The following WWOX variants were observed in gnomAD, a reference collection of about 807,000 sequenced individuals.
WWOX encodes WW domain-containing oxidoreductase.
WWOX carries 69 observed loss-of-function variants against 46.2 expected under a neutral mutation model. That is an observed-to-expected ratio of 1.49 (90% CI 1.23 to 1.82). The LOEUF (loss-of-function observed/expected upper bound fraction) is 1.82, where lower values mean the gene tolerates loss of function less well. Ranked by LOEUF, WWOX falls within the 40% of genes most tolerant of loss-of-function variation. WWOX has a pLI of 0.00. For synonymous variants in WWOX, 359 were observed against 202.6 expected, an observed-to-expected ratio of 1.77 and a Z score of -6.56; for missense variants, 919 against 542.6, an observed-to-expected ratio of 1.69 and a Z score of -6.89.
At chr16:78,454,217 C>CT (rs1235093099) in intron 8 of WWOX, among the ~76,000 whole-genome samples, 1 of 152,158 alleles carries the variant, frequency 6.6e-6, no homozygotes, top group Admixed American at 6.5e-5. Flanking sequence ...GCCTTGATTT[C>CT]TGTAGGCTGT....
chr16:79,122,461 T>G (rs2049656564), intron 8 of WWOX, among the ~76,000 whole-genome samples: 1 of 151,992 alleles, frequency 6.6e-6, no homozygotes, highest in Non-Finnish European at 1.5e-5. Context: ...TTTTTCTTCT[T>G]TTTCTGTTTC....
intron 6 of WWOX, among the ~76,000 whole-genome samples, chr16:78,409,510 A>C (rs112601834): frequency 6.6e-6 from 1 of 152,184 alleles, no homozygotes; most frequent in African/African-American, 2.4e-5. Context: ...AGCATAATGC[A>C]TGCAGTATTT....
chr16:78,319,374 C>T (rs1159107918), intron 5 of WWOX, among the ~76,000 whole-genome samples: 1 of 152,068 alleles, frequency 6.6e-6, no homozygotes, highest in East Asian at 1.9e-4. Context: ...GATCCTCCCA[C>T]CTCAACCTCC....
intron 8 of WWOX, among the ~76,000 whole-genome samples, chr16:79,124,635 T>C (rs73580906): frequency 0.032 from 4,822 of 152,308 alleles, 242 homozygotes; most frequent in African/African-American, 0.11. Context: ...TGTGGAATGA[T>C]GAATATGTTC....
intron 8 of WWOX, among the ~76,000 whole-genome samples, chr16:79,027,638 T>C (rs1212264981): frequency 6.6e-6 from 1 of 151,870 alleles, no homozygotes; most frequent in African/African-American, 2.4e-5. Context: ...GTGAATTCGG[T>C]CATTGTTATA....
intron 8 of WWOX, among the ~76,000 whole-genome samples, chr16:79,051,616 C>T (rs1042964613): frequency 5.3e-5 from 8 of 152,278 alleles, no homozygotes; most frequent in Admixed American, 2.0e-4. Flanking sequence ...GCCAGGCAGT[C>T]GCTGCCTCAA....
chr16:78,934,101 C>T (rs919895236), intron 8 of WWOX, among the ~76,000 whole-genome samples: 2 of 151,716 alleles, frequency 1.3e-5, no homozygotes, highest in African/African-American at 4.8e-5. Context: ...TTTCGGAGGC[C>T]TAGGTGGGCA....
chr16:78,340,043 C>A lies in WWOX; in HGVS notation c.517-46817C>A, dbSNP rs1169887423. ...GGGGGGGGGGGGGACGTTTCTATTT[C>A]CTTTATGTTTGATAACATTCTATTC... is the stretch of plus-strand genomic sequence containing the variant. On this transcript the variant is annotated intron_variant, in intron 5 of 8. Transcript: ENST00000566780. Among the ~76,000 whole-genome samples the A allele has an allele frequency of 4.6e-5, 2 of 43,340 alleles. 1 individual carries two copies. The highest frequency in any genetic ancestry group is 1.1e-4 in the Non-Finnish European group (2 of 18,842). 28.4% of individuals were successfully genotyped at this position (43,340 alleles called of 152,430 possible).
intron 5 of WWOX, among the ~76,000 whole-genome samples, chr16:78,175,189 G>T (rs1336017961): frequency 6.6e-6 from 1 of 151,892 alleles, no homozygotes; most frequent in Admixed American, 6.6e-5. Flanking sequence ...GTTAATGCTG[G>T]AGAGAAGTAG....
At chr16:78,687,702 A>C (rs935928349) in intron 8 of WWOX, among the ~76,000 whole-genome samples, 1 of 152,206 alleles carries the variant, frequency 6.6e-6, no homozygotes, top group African/African-American at 2.4e-5. Context: ...GCTCAATTAG[A>C]TCTAACTTGC....
chr16:78,289,735 C>T (rs922622073), intron 5 of WWOX, among the ~76,000 whole-genome samples: 1 of 152,080 alleles, frequency 6.6e-6, no homozygotes, highest in Non-Finnish European at 1.5e-5. Flanking sequence ...TACAACATTG[C>T]AGTCTTGTTT....
At chr16:79,104,074 G>C (rs535272938) in intron 8 of WWOX, among the ~76,000 whole-genome samples, 80 of 141,736 alleles carry the variant, frequency 5.6e-4, no homozygotes, top group Admixed American at 2.4e-3. Flanking sequence ...TACTTACTAA[G>C]GACCTTGCCT....
At chr16:78,857,761 C>A (rs2052600491) in intron 8 of WWOX, among the ~76,000 whole-genome samples, 1 of 152,096 alleles carries the variant, frequency 6.6e-6, no homozygotes, top group African/African-American at 2.4e-5. Context: ...CTCGATTTTC[C>A]AAAAAGTTTT....
At chr16:78,862,515 A>T in intron 8 of WWOX, among the ~76,000 whole-genome samples, 1 of 152,190 alleles carries the variant, frequency 6.6e-6, no homozygotes, top group Non-Finnish European at 1.5e-5. Flanking sequence ...TATATGTATA[A>T]AGATATATAT....
At chr16:78,859,017 A>T (rs1597730886) in intron 8 of WWOX, among the ~76,000 whole-genome samples, 1 of 41,372 alleles carries the variant, frequency 2.4e-5, no homozygotes. Flanking sequence ...AAAAAAAAAA[A>T]AAAAAAAAAA....
chr16:78,864,844 C>T (rs1008162461), intron 8 of WWOX, among the ~76,000 whole-genome samples: 1 of 134,200 alleles, frequency 7.5e-6, no homozygotes, highest in African/African-American at 2.8e-5. Context: ...CTCACTGCAA[C>T]ATCCACCTCC....
At chr16:78,686,136 T>C (rs572553113) in intron 8 of WWOX, among the ~76,000 whole-genome samples, 29 of 152,348 alleles carry the variant, frequency 1.9e-4, no homozygotes, top group African/African-American at 6.7e-4. Context: ...TGGAAGTTTT[T>C]TCCTTCTGGA....
At chr16:78,628,025 A>C (rs2046348545) in intron 8 of WWOX, among the ~76,000 whole-genome samples, 1 of 152,162 alleles carries the variant, frequency 6.6e-6, no homozygotes. Context: ...GAGTTCAGTA[A>C]ACTGTGTTTA....
At chr16:79,159,633 C>G (rs150903265) in intron 8 of WWOX, among the ~76,000 whole-genome samples, 1 of 152,186 alleles carries the variant, frequency 6.6e-6, no homozygotes, top group African/African-American at 2.4e-5. Flanking sequence ...ATTGTCTCTC[C>G]CCGTGTCCCC....
Sources: allele counts gnomAD v4.1 joint callset (sites outside exome capture counted in the v4.1 genomes callset), GRCh38; gene constraint gnomAD v4.1.1; transcripts MANE v1.5; gene names NCBI Gene and HGNC (gene_info 2026-07-23, HGNC 2026-07-21).